CAPG: variants seen among roughly 807,000 people sequenced by gnomAD.
CAPG encodes macrophage-capping protein.
A neutral mutation model predicts 44.6 loss-of-function variants in CAPG; 32 were observed. The observed-to-expected ratio is 0.72, with a 90% CI of 0.54 to 0.96. CAPG has a LOEUF of 0.96. Ranked by LOEUF, CAPG falls within the 50% of genes least tolerant of loss-of-function variation. The pLI is 0.00. For missense variants in CAPG, 412 were observed against 438.3 expected (o/e 0.94, Z 0.54); for synonymous variants, 175 against 179.6 (o/e 0.97, Z 0.20).
chr2:85,398,302 C>T, intron 7 of CAPG, 150 bp from the exon 8 acceptor site: 1 of 911,612 alleles, frequency 1.1e-6, no homozygotes, highest in African/African-American at 1.7e-5. Context: ...AGAGTGAAGA[C>T]CTGAAAAGCA....
At chr2:85,414,324 A>G (rs1450610754), upstream of CAPG, among the ~76,000 whole-genome samples, 2 of 152,152 alleles carry the variant, frequency 1.3e-5, no homozygotes, top group African/African-American at 4.8e-5. Context: ...GCGTCCTCAC[A>G]TCTACTATCA....
chr2:85,400,444 C>T (rs1017969482), intron 5 of CAPG, among the ~76,000 whole-genome samples: 9 of 152,288 alleles, frequency 5.9e-5, no homozygotes, highest in Admixed American at 2.0e-4. Context: ...CGCCACAAGA[C>T]GCAGCCCATA....
In CAPG at chr2:85,401,191, C is replaced by T. The variant is rs778524584; in HGVS notation, c.490G>A (p.Asp164Asn). ...ALNWDSFNTG[D>N]CFILDLGQNI... ...TGGCCCAGGTCCAGGATGAAGCAGT[C>T]CCCAGTGTTGAAGCTGTCCCAGTTC... Residue 164 changes from aspartate (D) to asparagine (N), a missense_variant, in exon 5 of 10, where the codon GAC becomes AAC. Transcript: ENST00000263867. 2 of 1,614,154 alleles carry T rather than the reference C, an allele frequency of 1.2e-6. No individual in the cohort carries two copies. The highest frequency in any genetic ancestry group is 1.7e-6 in the Non-Finnish European group (2 of 1,180,000).
chr2:85,399,398 G>T, intron 5 of CAPG, 113 bp from the exon 6 acceptor site: 1 of 1,160,270 alleles, frequency 8.6e-7, no homozygotes. Flanking sequence ...CCCTGAGGCA[G>T]GACAACCAGG....
chr2:85,406,860 A>G (rs960033053), intron 1 of CAPG, among the ~76,000 whole-genome samples: 1 of 149,846 alleles, frequency 6.7e-6, no homozygotes, highest in Non-Finnish European at 1.5e-5. Context: ...CTCCGTCTCA[A>G]AAAAAAAAAG....
At chr2:85,406,251 CAAA>C (rs1189890985) in intron 1 of CAPG, among the ~76,000 whole-genome samples, 1 of 116,502 alleles carries the variant, frequency 8.6e-6, no homozygotes. Context: ...GACTCGGTTT[CAAA>C]AAAAAAAAAA....
chr2:85,408,338 T>TCACACACACACACACACACA (rs71390065), intron 1 of CAPG, among the ~76,000 whole-genome samples: 62 of 129,564 alleles, frequency 4.8e-4, no homozygotes, highest in South Asian at 1.0e-3. Context: ...GAAGAATCTG[T>TCACACACACACACACACACA]CACACACACA....
At chr2:85,404,394 C>A (rs1687049094) in intron 1 of CAPG, among the ~76,000 whole-genome samples, 1 of 152,034 alleles carries the variant, frequency 6.6e-6, no homozygotes, top group African/African-American at 2.4e-5. Context: ...TACATTCATT[C>A]CTAGTTTAAA....
upstream of CAPG, chr2:85,413,107 G>C (rs1453940223): frequency 6.6e-6 from 1 of 152,224 alleles, no homozygotes; most frequent in African/African-American, 2.4e-5. Context: ...CCCAGCGCTG[G>C]AAAGCTTCAT....
intron 1 of CAPG, among the ~76,000 whole-genome samples, chr2:85,415,466 T>C (rs957363111): frequency 6.6e-6 from 1 of 152,216 alleles, no homozygotes; most frequent in Non-Finnish European, 1.5e-5. Context: ...AAATCAGTTT[T>C]GACAGATGCA....
At chr2:85,412,747 G>A (rs1452338148), upstream of CAPG, among the ~76,000 whole-genome samples, 2 of 152,054 alleles carry the variant, frequency 1.3e-5, no homozygotes, top group Non-Finnish European at 2.9e-5. Flanking sequence ...TCCCAGTAGG[G>A]CCTAGTCCCC....
chr2:85,392,073 G>T (rs1327430250), downstream of CAPG, among the ~76,000 whole-genome samples: 1 of 152,214 alleles, frequency 6.6e-6, no homozygotes, highest in Non-Finnish European at 1.5e-5. Context: ...TCTGGCGAAG[G>T]CCAGCACTGT....
intron 7 of CAPG, 96 bp downstream of exon 7, chr2:85,398,594 C>T: frequency 1.9e-6 from 2 of 1,035,342 alleles, no homozygotes; most frequent in Non-Finnish European, 2.9e-6. Flanking sequence ...CACCTTCCCC[C>T]TGCCTTCTCC....
chr2:85,393,599 C>CTT (rs1320328771), downstream of CAPG, among the ~76,000 whole-genome samples: 1 of 152,010 alleles, frequency 6.6e-6, no homozygotes, highest in African/African-American at 2.4e-5. Flanking sequence ...GTCGGAGTCT[C>CTT]TGTCACCCAG....
chr2:85,414,322 A>C (rs541609819), upstream of CAPG, among the ~76,000 whole-genome samples: 10 of 152,258 alleles, frequency 6.6e-5, no homozygotes, highest in South Asian at 2.1e-3. Context: ...GTGCGTCCTC[A>C]CATCTACTAT....
chr2:85,417,705 A>G lies in CAPG; in HGVS notation c.-14+562T>C, dbSNP rs553709254. ...CGACATGTTGGCCAGGCTGGTCTTG[A>G]ACCCCTGACCTCAGGTGATCTGCTT... On this transcript the variant is annotated intron_variant, in intron 1 of 5. Coordinates refer to the CAPG transcript ENST00000409275. Among the ~76,000 whole-genome samples the G allele has an allele frequency of 2.9e-4, 44 of 151,894 alleles. 1 individual carries two copies. In the South Asian group the frequency reaches 9.2e-3, roughly 32 times the overall value.
chr2:85,403,978 T>A (rs1002265919), intron 1 of CAPG, among the ~76,000 whole-genome samples: 1 of 151,926 alleles, frequency 6.6e-6, no homozygotes, highest in Non-Finnish European at 1.5e-5. Flanking sequence ...CAAATGAGGT[T>A]TATCCCAGGA....
intron 1 of CAPG, among the ~76,000 whole-genome samples, chr2:85,403,075 G>GT (rs917940732): frequency 1.4e-4 from 22 of 152,176 alleles, no homozygotes; most frequent in Non-Finnish European, 2.6e-4. Flanking sequence ...CTGGCAAGTT[G>GT]TTTTTTTAAA....
Position 85,398,990 on chromosome 2 carries a change from C to A in CAPG, c.666+146G>T. 4.1e-6 allele frequency: 4 copies of A among 972,178 alleles called. No individual in the cohort carries two copies. The South Asian group carries it at 6.2e-5, about 15-fold the overall frequency. 60.2% of individuals were successfully genotyped at this position (972,178 alleles called of 1,614,324 possible). On this transcript the variant is annotated intron_variant, in intron 6 of 9. Transcript: ENST00000263867. ...GGACGAGCATCTACCCAGAGGGGCA[C>A]CCTGTGAGCTGGCCACAGCCCTAGG... is the stretch of plus-strand genomic sequence containing the variant.
Sources: gnomAD v4.1 joint callset for allele counts (sites outside exome capture counted in the v4.1 genomes callset) on GRCh38, gnomAD v4.1.1 for gene constraint, MANE v1.5 for transcripts, NCBI Gene and HGNC (gene_info 2026-07-23, HGNC 2026-07-21) for gene names.